SAE1: variants seen among roughly 807,000 people sequenced by gnomAD.
SAE1 encodes the protein SUMO-activating enzyme subunit 1.
In SAE1, 11 loss-of-function variants were observed where a neutral mutation model predicts 40.6. The ratio of observed to expected loss-of-function variants is 0.27; its 90% CI spans 0.17 to 0.45. The LOEUF (loss-of-function observed/expected upper bound fraction) is 0.45. SAE1 is among the 20% of genes least tolerant of loss of function. The pLI, the probability that SAE1 is intolerant of heterozygous loss-of-function variation, is 1.00. For missense variants in SAE1, 373 were observed against 427.3 expected (o/e 0.87, Z 1.12); for synonymous variants, 155 against 154.3 (o/e 1.00, Z -0.03).
intron 2 of SAE1, 71 bp from the exon 3 acceptor site, chr19:47,150,131 T>A: frequency 8.6e-7 from 1 of 1,168,770 alleles, no homozygotes. Flanking sequence ...CCTTTAAAAT[T>A]TAAAGATTCT....
chr19:47,170,895 C>T (rs1182449712), intron 6 of SAE1, among the ~76,000 whole-genome samples: 1 of 152,164 alleles, frequency 6.6e-6, no homozygotes, highest in Non-Finnish European at 1.5e-5. Flanking sequence ...TAATGAACTA[C>T]TTATCAGTCC....
intron 6 of SAE1, among the ~76,000 whole-genome samples, chr19:47,176,630 TG>T (rs1420503480): frequency 1.3e-5 from 2 of 152,218 alleles, no homozygotes; most frequent in African/African-American, 4.8e-5. Context: ...AATGTTGCCC[TG>T]GGCTCTCACT....
chr19:47,131,372 T>C (rs1405548899), intron 1 of SAE1, among the ~76,000 whole-genome samples: 1 of 151,196 alleles, frequency 6.6e-6, no homozygotes, highest in African/African-American at 2.4e-5. Flanking sequence ...TGGGGATACG[T>C]GGAAAGGGTG....
chr19:47,192,724 G>A (rs1352627640), intron 6 of SAE1, among the ~76,000 whole-genome samples: 1 of 151,850 alleles, frequency 6.6e-6, no homozygotes, highest in African/African-American at 2.4e-5. Flanking sequence ...ATTTTTAGTA[G>A]AGATGGGGTT....
intron 5 of SAE1, among the ~76,000 whole-genome samples, chr19:47,159,031 T>C (rs2058341265): frequency 6.6e-6 from 1 of 152,176 alleles, no homozygotes; most frequent in African/African-American, 2.4e-5. Flanking sequence ...TTATCTGTGT[T>C]AGGTGCTGCC....
At chr19:47,170,203 CCT>C (rs577479624) in intron 6 of SAE1, among the ~76,000 whole-genome samples, 4 of 152,006 alleles carry the variant, frequency 2.6e-5, no homozygotes, top group Non-Finnish European at 5.9e-5. Flanking sequence ...GATTGAGAAA[CCT>C]CTTTTTTTTT....
intron 6 of SAE1, among the ~76,000 whole-genome samples, chr19:47,182,688 G>A (rs2058517860): frequency 6.6e-6 from 1 of 152,186 alleles, no homozygotes; most frequent in South Asian, 2.1e-4. Flanking sequence ...GTTAGTCACC[G>A]ACTCTGCTCC....
chr19:47,209,185 C>A lies in SAE1; in HGVS notation c.975C>A (p.His325Gln), dbSNP rs1568614044. 1.2e-6 allele frequency: 2 copies of A among 1,614,028 alleles called. No homozygotes were observed. The highest frequency in any genetic ancestry group is 1.1e-5 in the South Asian group (1 of 91,074). ...CCCTGTCTCAGCGGGACCCTCCTCA[C>A]AACAACTTCTTCTTCTTCGATGGCA... ...VKALSQRDPPHNNFFFFDGMK... is the reference protein window; with the variant it reads ...VKALSQRDPPQNNFFFFDGMK... Residue 325 changes from histidine (H) to glutamine (Q), a missense_variant, in exon 9 of 9, where the codon CAC becomes CAA. By Grantham distance (24) the His-to-Gln change is conservative. Coordinates refer to ENST00000270225, the MANE Select transcript of SAE1 (RefSeq NM_005500.3).
At chr19:47,133,583 TAA>T (rs907075642) in intron 1 of SAE1, among the ~76,000 whole-genome samples, 1 of 152,194 alleles carries the variant, frequency 6.6e-6, no homozygotes, top group Non-Finnish European at 1.5e-5. Flanking sequence ...GAAATGGAAG[TAA>T]AGATTCTGGC....
intron 2 of SAE1, among the ~76,000 whole-genome samples, chr19:47,148,503 T>C (rs2058267711): frequency 6.6e-6 from 1 of 152,038 alleles, no homozygotes; most frequent in African/African-American, 2.4e-5. Flanking sequence ...TACTGGTGGC[T>C]ATTAGGGGAT....
At chr19:47,142,978 T>C (rs923965218) in intron 1 of SAE1, among the ~76,000 whole-genome samples, 1 of 152,170 alleles carries the variant, frequency 6.6e-6, no homozygotes, top group Non-Finnish European at 1.5e-5. Flanking sequence ...TTCCACACCA[T>C]AGAAGGATGC....
intron 1 of SAE1, among the ~76,000 whole-genome samples, chr19:47,132,424 GTTTT>G (rs74749546): frequency 7.6e-6 from 1 of 131,008 alleles, no homozygotes. Context: ...ACTAATTTTT[GTTTT>G]TTTTTTTTTT....
chr19:47,133,516 C>T (rs886652974), intron 1 of SAE1, among the ~76,000 whole-genome samples: 4 of 152,206 alleles, frequency 2.6e-5, no homozygotes, highest in African/African-American at 9.6e-5. Flanking sequence ...TGAGCCACTG[C>T]GGCCTGGCCT....
chr19:47,158,011 A>G (rs1279781974), intron 5 of SAE1, among the ~76,000 whole-genome samples: 1 of 148,674 alleles, frequency 6.7e-6, no homozygotes, highest in Non-Finnish European at 1.5e-5. Context: ...CCAACACCAA[A>G]GATTCCTTGA....
chr19:47,175,107 ATT>A (rs916783073), intron 6 of SAE1, among the ~76,000 whole-genome samples: 16 of 91,690 alleles, frequency 1.7e-4, no homozygotes, highest in Admixed American at 7.4e-4. Flanking sequence ...AGTGGCCTTG[ATT>A]TTTTTTTTTT....
chr19:47,144,015 C>T (rs777019959), intron 2 of SAE1, among the ~76,000 whole-genome samples: 29 of 152,146 alleles, frequency 1.9e-4, no homozygotes, highest in Non-Finnish European at 3.4e-4. Flanking sequence ...AGGTCTGAGG[C>T]GAGCTCAGGA....
At chr19:47,208,586 C>T (rs1600223905) in intron 8 of SAE1, among the ~76,000 whole-genome samples, 3 of 152,212 alleles carry the variant, frequency 2.0e-5, no homozygotes, top group Non-Finnish European at 2.9e-5. Context: ...CCACCATACT[C>T]GGCTAATTTC....
intron 2 of SAE1, among the ~76,000 whole-genome samples, chr19:47,146,593 T>C (rs2058256485): frequency 6.6e-6 from 1 of 152,162 alleles, no homozygotes; most frequent in South Asian, 2.1e-4. Context: ...TATTATCTCA[T>C]TGAGTCCTCA....
At chr19:47,203,573 T>A (rs2058667303) in intron 7 of SAE1, 98 bp from the exon 8 acceptor site, 2 of 1,026,880 alleles carry the variant, frequency 1.9e-6, no homozygotes, top group South Asian at 2.7e-5. Flanking sequence ...TGCTAGAAGT[T>A]GTTTTTATTC....
Sources: gnomAD v4.1 joint callset for allele counts (sites outside exome capture counted in the v4.1 genomes callset) on GRCh38, gnomAD v4.1.1 for gene constraint, MANE v1.5 for transcripts, NCBI Gene and HGNC (gene_info 2026-07-23, HGNC 2026-07-21) for gene names.